Variants in ATOSA observed in about 807,000 individuals in gnomAD.
ATOSA encodes atos homolog A, also known as atos homolog protein A.
the ATOSA span, among the ~76,000 whole-genome samples, chr15:52,702,856 T>C: frequency 4.7e-5 from 7 of 149,752 alleles, no homozygotes; most frequent in Non-Finnish European, 8.9e-5. Flanking sequence ...TGACACTGAA[T>C]GAGCATTTAA....
the ATOSA span, among the ~76,000 whole-genome samples, chr15:52,638,965 T>C: frequency 6.6e-6 from 1 of 151,610 alleles, no homozygotes; most frequent in Non-Finnish European, 1.5e-5. Flanking sequence ...TTAAGAAGCC[T>C]CCCTTGGGAA....
At chr15:52,659,622 C>A in the ATOSA span, among the ~76,000 whole-genome samples, 2 of 152,114 alleles carry the variant, frequency 1.3e-5, no homozygotes, top group Non-Finnish European at 2.9e-5. Context: ...CAATATCCTA[C>A]AAAACACAGC....
chr15:52,685,592 C>A, the ATOSA span, among the ~76,000 whole-genome samples: 1 of 152,118 alleles, frequency 6.6e-6, no homozygotes, highest in Non-Finnish European at 1.5e-5. Context: ...TGCCACCACA[C>A]CCAGCTAATT....
At chr15:52,687,476 C>T in the ATOSA span, among the ~76,000 whole-genome samples, 1 of 152,222 alleles carries the variant, frequency 6.6e-6, no homozygotes, top group Non-Finnish European at 1.5e-5. Flanking sequence ...AAGGAAAACA[C>T]GTGGCACAAA....
the ATOSA span, among the ~76,000 whole-genome samples, chr15:52,595,096 G>A: frequency 3.3e-5 from 5 of 152,206 alleles, no homozygotes; most frequent in East Asian, 9.6e-4. Context: ...AAATTTACCT[G>A]GCAAATTCCT....
At chr15:52,682,894 G>C in the ATOSA span, among the ~76,000 whole-genome samples, 5 of 152,190 alleles carry the variant, frequency 3.3e-5, no homozygotes, top group African/African-American at 1.2e-4. Context: ...TCATTGCTAA[G>C]GCATTGGCTT....
chr15:52,687,087 A>G, the ATOSA span, among the ~76,000 whole-genome samples: 9 of 152,336 alleles, frequency 5.9e-5, no homozygotes, highest in South Asian at 6.2e-4. Context: ...AGCTCTATCA[A>G]TCTAGAAGGG....
chr15:52,658,579 T>A, the ATOSA span: 2 of 395,128 alleles, frequency 5.1e-6, no homozygotes, highest in Non-Finnish European at 8.9e-6. Flanking sequence ...GAATAAATTT[T>A]CATTCTTCAT....
chr15:52,698,264 C>T, the ATOSA span, among the ~76,000 whole-genome samples: 1 of 151,978 alleles, frequency 6.6e-6, no homozygotes, highest in Non-Finnish European at 1.5e-5. Flanking sequence ...CAGGCATGAG[C>T]CACCACGCCT....
chr15:52,605,290 C>CA, the ATOSA span: 1 of 1,332,916 alleles, frequency 7.5e-7, no homozygotes. Flanking sequence ...ATTTAAATAC[C>CA]ATTTAAAGAA....
the ATOSA span, among the ~76,000 whole-genome samples, chr15:52,593,148 A>G: frequency 6.6e-6 from 1 of 152,072 alleles, no homozygotes; most frequent in Non-Finnish European, 1.5e-5. Context: ...GCTGTCAAAA[A>G]AAAAAAAGAA....
At chr15:52,602,184 C>A in the ATOSA span, among the ~76,000 whole-genome samples, 1 of 152,152 alleles carries the variant, frequency 6.6e-6, no homozygotes, top group Non-Finnish European at 1.5e-5. Context: ...CTCTATTGAG[C>A]CGATCCTAGT....
At chr15:52,659,653 A>C in the ATOSA span, among the ~76,000 whole-genome samples, 8 of 152,166 alleles carry the variant, frequency 5.3e-5, no homozygotes. Context: ...GAGCTATTTT[A>C]ATCTATATTT....
At chr15:52,689,820 T>TTAG in the ATOSA span, among the ~76,000 whole-genome samples, 1 of 152,140 alleles carries the variant, frequency 6.6e-6, no homozygotes, top group East Asian at 1.9e-4. Context: ...ACATGCAGAG[T>TTAG]TAGTAGCAGC....
chr15:52,611,255 C>T, the ATOSA span: 1 of 1,610,166 alleles, frequency 6.2e-7, no homozygotes, highest in Admixed American at 1.7e-5. Flanking sequence ...GGTCACCATT[C>T]CTAAGGAAGT....
At chr15:52,658,368 T>C in the ATOSA span, 14 of 165,644 alleles carry the variant, frequency 8.5e-5, no homozygotes, top group Non-Finnish European at 1.3e-4. Flanking sequence ...TCTTTTTCCT[T>C]ATATAAATGC....
the ATOSA span, among the ~76,000 whole-genome samples, chr15:52,604,052 T>C: frequency 3.3e-5 from 5 of 152,356 alleles, no homozygotes; most frequent in South Asian, 1.0e-3. Context: ...GATTTGATTA[T>C]TACACATTGT....
At chr15:52,694,236 A>G in the ATOSA span, among the ~76,000 whole-genome samples, 1 of 150,868 alleles carries the variant, frequency 6.6e-6, no homozygotes, top group African/African-American at 2.4e-5. Context: ...GCACGATCTC[A>G]GCTCACCGCA....
chr15:52,608,934 T>G, the ATOSA span: 16 of 1,606,796 alleles, frequency 1.0e-5, no homozygotes, highest in Non-Finnish European at 1.2e-5. Context: ...TCTCATTTAT[T>G]ATTTTTTCCT....
Sources: gnomAD v4.1 joint callset for allele counts (sites outside exome capture counted in the v4.1 genomes callset) on GRCh38, gnomAD v4.1.1 for gene constraint, MANE v1.5 for transcripts, NCBI Gene and HGNC (gene_info 2026-07-23, HGNC 2026-07-21) for gene names.